LRP1B: variants seen among roughly 807,000 people sequenced by gnomAD.
LRP1B encodes LDL receptor related protein 1B.
In LRP1B, 217 loss-of-function variants were observed where a neutral mutation model predicts 556.6. That is an observed-to-expected ratio of 0.39 (90% CI 0.35 to 0.44). The LOEUF (loss-of-function observed/expected upper bound fraction) is 0.44, where lower values mean the gene tolerates loss of function less well. LRP1B is among the 20% of genes least tolerant of loss of function. The pLI, the probability that LRP1B is intolerant of heterozygous loss-of-function variation, is 1.00. For missense variants in LRP1B, 5,053 were observed against 5,620.8 expected (o/e 0.90, Z 3.23); for synonymous variants, 2,047 against 1,865.8 (o/e 1.10, Z -2.50).
Position 141,229,165 on chromosome 2 carries a change from T to C in LRP1B, c.850+18A>G. 6.2e-7 allele frequency: 1 copy of C among 1,611,222 alleles called. No homozygotes were observed. The highest frequency in any genetic ancestry group is 1.1e-5 in the South Asian group (1 of 90,616). The stretch of plus-strand genomic sequence containing the variant: ...AATCAGTAAAGGGTGGCATATAATA[T>C]TTAATTGAAACACTTACTGTGGAAG... On this transcript the variant is annotated intron_variant, in intron 6 of 90. Coordinates refer to ENST00000389484, the MANE Select transcript of LRP1B (RefSeq NM_018557.3).
chr2:140,590,668 GA>G (rs1234764695), intron 43 of LRP1B, among the ~76,000 whole-genome samples: 1 of 151,988 alleles, frequency 6.6e-6, no homozygotes, highest in African/African-American at 2.4e-5. Flanking sequence ...GCCAGGAAAA[GA>G]GGCCCTCACC....
chr2:142,000,025 CTATAT>C (rs1446734088), intron 1 of LRP1B, among the ~76,000 whole-genome samples: 2 of 139,238 alleles, frequency 1.4e-5, no homozygotes, highest in African/African-American at 4.9e-5. Context: ...ATTATATATA[CTATAT>C]AATATATGTG....
At chr2:141,709,310 T>C (rs1462836414) in intron 2 of LRP1B, among the ~76,000 whole-genome samples, 1 of 151,066 alleles carries the variant, frequency 6.6e-6, no homozygotes, top group Admixed American at 6.6e-5. Context: ...GACTGCACCA[T>C]TGCACTCCAG....
At chr2:140,389,431 A>C (rs1024509092) in intron 66 of LRP1B, among the ~76,000 whole-genome samples, 2 of 151,850 alleles carry the variant, frequency 1.3e-5, no homozygotes, top group African/African-American at 4.8e-5. Context: ...TACAAGTAAT[A>C]AGTAAATTTA....
intron 41 of LRP1B, among the ~76,000 whole-genome samples, chr2:140,661,375 T>C (rs980873002): frequency 2.0e-5 from 3 of 151,784 alleles, no homozygotes; most frequent in African/African-American, 7.3e-5. Flanking sequence ...AGTTTAAAAA[T>C]TGGGCTGGGC....
chr2:141,527,895 A>T (rs993488382), intron 2 of LRP1B, among the ~76,000 whole-genome samples: 7 of 151,956 alleles, frequency 4.6e-5, no homozygotes, highest in African/African-American at 1.4e-4. Flanking sequence ...CTATGATTTA[A>T]CTCTTCTCAT....
At chr2:141,035,202 T>C (rs1216571088) in intron 11 of LRP1B, among the ~76,000 whole-genome samples, 1 of 151,324 alleles carries the variant, frequency 6.6e-6, no homozygotes, top group African/African-American at 2.4e-5. Flanking sequence ...CTGGTGACTG[T>C]TGTGGGGTGG....
intron 1 of LRP1B, among the ~76,000 whole-genome samples, chr2:142,127,863 T>C (rs962181138): frequency 6.6e-6 from 1 of 152,036 alleles, no homozygotes; most frequent in Non-Finnish European, 1.5e-5. Flanking sequence ...TTCAGAAAAT[T>C]TGACACTTTA....
chr2:141,681,376 G>A (rs944442525), intron 2 of LRP1B, among the ~76,000 whole-genome samples: 29 of 152,122 alleles, frequency 1.9e-4, no homozygotes, highest in African/African-American at 6.7e-4. Flanking sequence ...GTCTCAGAAA[G>A]TCTAAGTAAT....
chr2:141,618,377 G>A (rs1028469336), intron 2 of LRP1B, among the ~76,000 whole-genome samples: 1 of 152,066 alleles, frequency 6.6e-6, no homozygotes, highest in Non-Finnish European at 1.5e-5. Flanking sequence ...GTTTTATGAC[G>A]TTTAGGTGCA....
chr2:141,788,184 C>A (rs1352605984), intron 2 of LRP1B, among the ~76,000 whole-genome samples: 1 of 151,950 alleles, frequency 6.6e-6, no homozygotes, highest in Non-Finnish European at 1.5e-5. Flanking sequence ...AAACTAGTAG[C>A]TTTTTGTTGC....
At chr2:141,265,765 T>G (rs570582402) in intron 3 of LRP1B, among the ~76,000 whole-genome samples, 1 of 152,176 alleles carries the variant, frequency 6.6e-6, no homozygotes, top group Admixed American at 6.5e-5. Context: ...TAGCTGCATA[T>G]TGTTCCATTT....
chr2:141,981,901 C>A (rs139367917), intron 1 of LRP1B, among the ~76,000 whole-genome samples: 1 of 152,204 alleles, frequency 6.6e-6, no homozygotes, highest in Non-Finnish European at 1.5e-5. Context: ...GGTATCTCCA[C>A]CTTCATCCCA....
chr2:140,909,277 T>C (rs1400724698), intron 21 of LRP1B, among the ~76,000 whole-genome samples: 1 of 152,100 alleles, frequency 6.6e-6, no homozygotes, highest in Non-Finnish European at 1.5e-5. Flanking sequence ...CTTATAAAAA[T>C]AAGTGGGGCA....
intron 2 of LRP1B, among the ~76,000 whole-genome samples, chr2:141,513,481 T>G (rs1164157964): frequency 6.6e-6 from 1 of 152,140 alleles, no homozygotes; most frequent in Non-Finnish European, 1.5e-5. Flanking sequence ...AAAATCTAAA[T>G]TCTATTGACT....
chr2:140,723,391 A>G (rs1455940004), intron 35 of LRP1B, among the ~76,000 whole-genome samples: 1 of 152,182 alleles, frequency 6.6e-6, no homozygotes, highest in East Asian at 1.9e-4. Flanking sequence ...TAGCAAGTGC[A>G]ACATGGGCAA....
Position 141,735,165 on chromosome 2 carries a change from TTTG to T in LRP1B, c.205+75111_205+75113del, listed in dbSNP as rs772881976. Among the ~76,000 whole-genome samples the T allele has an allele frequency of 6.7e-3, 952 of 141,246 alleles. 7 individuals are homozygous for T. The highest frequency in any genetic ancestry group is 9.7e-3 in the Non-Finnish European group (633 of 65,152). The allele number at this position is 141,246 out of a possible 152,430, so 92.7% of individuals were successfully genotyped here. On this transcript the variant is annotated intron_variant, in intron 2 of 90. Transcript: ENST00000389484. ...TGTTTTTTGTTTGTTTGTTTGTTTG[TTTG>T]TTTGTTTGAAAATGATACATCTGAA...
intron 7 of LRP1B, among the ~76,000 whole-genome samples, chr2:141,160,888 C>A (rs12151516): frequency 0.03 from 4,486 of 151,106 alleles, 100 homozygotes; most frequent in Non-Finnish European, 0.043. Flanking sequence ...GGGCTATATA[C>A]CAAAAAAGGG....
intron 43 of LRP1B, among the ~76,000 whole-genome samples, chr2:140,551,068 A>C (rs548782820): frequency 3.3e-5 from 5 of 152,166 alleles, no homozygotes; most frequent in Non-Finnish European, 7.3e-5. Flanking sequence ...CTAGACCCTC[A>C]TCATGCTGAC....
Sources: gnomAD v4.1 joint callset for allele counts (sites outside exome capture counted in the v4.1 genomes callset) on GRCh38, gnomAD v4.1.1 for gene constraint, MANE v1.5 for transcripts, NCBI Gene and HGNC (gene_info 2026-07-23, HGNC 2026-07-21) for gene names.